The following EHBP1 variants were observed in gnomAD, a reference collection of about 807,000 sequenced individuals.
The protein encoded by EHBP1 is EH domain-binding protein 1.
EHBP1 carries 55 observed loss-of-function variants against 144.0 expected under a neutral mutation model. That is an observed-to-expected ratio of 0.38 (90% CI 0.31 to 0.48). EHBP1 has a LOEUF of 0.48. Among genes scored for constraint, EHBP1 ranks in the 20% least tolerant of loss-of-function variants. EHBP1 has a pLI of 0.98. For missense variants in EHBP1, 1,200 were observed against 1,364.2 expected (o/e 0.88, Z 1.90); for synonymous variants, 469 against 472.7 (o/e 0.99, Z 0.10).
At chr2:62,797,205 G>C (rs1180526091) in intron 5 of EHBP1, among the ~76,000 whole-genome samples, 1 of 152,058 alleles carries the variant, frequency 6.6e-6, no homozygotes, top group Non-Finnish European at 1.5e-5. Context: ...TCTTAGCTAT[G>C]CATGGCTTTT....
At chr2:62,743,067 T>C (rs1179695760) in intron 2 of EHBP1, among the ~76,000 whole-genome samples, 1 of 152,114 alleles carries the variant, frequency 6.6e-6, no homozygotes, top group Non-Finnish European at 1.5e-5. Flanking sequence ...TTTGAGGTAT[T>C]TCCTCTTGGT....
intron 10 of EHBP1, among the ~76,000 whole-genome samples, chr2:62,915,200 T>A (rs2054515062): frequency 6.6e-6 from 1 of 152,110 alleles, no homozygotes; most frequent in African/African-American, 2.4e-5. Context: ...TTTGCTATCA[T>A]AGTACCTAAT....
At chr2:62,806,437 C>A (rs1460381142) in intron 5 of EHBP1, among the ~76,000 whole-genome samples, 3 of 151,928 alleles carry the variant, frequency 2.0e-5, no homozygotes, top group Non-Finnish European at 4.4e-5. Flanking sequence ...GTGGCGCAAT[C>A]ACAGTTCACT....
At chr2:62,955,013 A>G (rs1241183307) in intron 13 of EHBP1, among the ~76,000 whole-genome samples, 3 of 152,032 alleles carry the variant, frequency 2.0e-5, no homozygotes, top group Non-Finnish European at 4.4e-5. Context: ...GGGGAAGACT[A>G]GTTTTACTTT....
At chr2:63,039,428 T>G (rs2061573177) in intron 21 of EHBP1, among the ~76,000 whole-genome samples, 1 of 152,208 alleles carries the variant, frequency 6.6e-6, no homozygotes, top group Non-Finnish European at 1.5e-5. Context: ...TATATGATTT[T>G]TTTTTAATTC....
At chr2:62,993,326 T>C (rs937600032) in intron 16 of EHBP1, among the ~76,000 whole-genome samples, 1 of 152,176 alleles carries the variant, frequency 6.6e-6, no homozygotes, top group Non-Finnish European at 1.5e-5. Context: ...ATCAAAGTTA[T>C]CAAGAGTTAA....
Position 62,979,196 on chromosome 2 carries a change from T to G in EHBP1, c.2469T>G (p.Asp823Glu). The G allele has an allele frequency of 6.2e-7, 1 of 1,612,722 alleles. No individual in the cohort carries two copies. The highest frequency in any genetic ancestry group is 8.5e-7 in the Non-Finnish European group (1 of 1,179,352). The part of the protein sequence containing the change: ...FCNRQLSDQQ[D>E]EERRRQLRER... The stretch of plus-strand genomic sequence containing the variant: ...TGTTCAATATATCTTAGCAGCAAGA[T>G]GAAGAGCGACGTCGGCAGCTGAGAG... The change falls in exon 15 of 23, where the codon GAT becomes GAG. Residue 823 changes from aspartate to glutamate, a missense_variant. Physicochemically the swap from Asp to Glu is conservative, Grantham distance 45. This residue lies in a region of EHBP1 where 543 missense variants were observed against 513.1 expected (regional missense o/e 1.06). Coordinates refer to ENST00000431489, the MANE Select transcript of EHBP1 (RefSeq NM_001142616.3).
At chr2:62,856,167 T>C (rs1396397674) in intron 7 of EHBP1, among the ~76,000 whole-genome samples, 3 of 152,188 alleles carry the variant, frequency 2.0e-5, no homozygotes, top group Non-Finnish European at 4.4e-5. Flanking sequence ...TTTAGCCCCA[T>C]TGAATGGCAG....
chr2:62,779,086 T>G (rs2152404227), intron 5 of EHBP1, among the ~76,000 whole-genome samples: 1 of 152,322 alleles, frequency 6.6e-6, no homozygotes, highest in Non-Finnish European at 1.5e-5. Context: ...AGTACCCCTC[T>G]TCCACCATGG....
chr2:62,770,355 G>C (rs1408467727), intron 4 of EHBP1, among the ~76,000 whole-genome samples: 1 of 151,922 alleles, frequency 6.6e-6, no homozygotes, highest in Non-Finnish European at 1.5e-5. Flanking sequence ...GTGGGCAAAG[G>C]ACACGAACAG....
chr2:62,856,086 C>T (rs2049032409), intron 7 of EHBP1, among the ~76,000 whole-genome samples: 1 of 152,222 alleles, frequency 6.6e-6, no homozygotes, highest in African/African-American at 2.4e-5. Flanking sequence ...TAAAGCTCCT[C>T]TTTATCTTGC....
chr2:63,023,209 T>C (rs929577293), intron 19 of EHBP1, among the ~76,000 whole-genome samples: 1 of 152,176 alleles, frequency 6.6e-6, no homozygotes, highest in Non-Finnish European at 1.5e-5. Context: ...TATTTTTAGA[T>C]GCTTAATATT....
intron 5 of EHBP1, among the ~76,000 whole-genome samples, chr2:62,801,738 T>C (rs1210224549): frequency 6.6e-6 from 1 of 152,226 alleles, no homozygotes; most frequent in Non-Finnish European, 1.5e-5. Flanking sequence ...ATAGAGTTTG[T>C]ATATTTAAAT....
chr2:62,894,919 CAGAA>C (rs897325547), intron 10 of EHBP1, among the ~76,000 whole-genome samples: 8 of 69,300 alleles, frequency 1.2e-4, no homozygotes, highest in African/African-American at 3.7e-4. Flanking sequence ...CTAGCAAAAA[CAGAA>C]AGAAAGAGAG....
At chr2:62,910,573 G>A (rs2054141365) in intron 10 of EHBP1, among the ~76,000 whole-genome samples, 1 of 151,712 alleles carries the variant, frequency 6.6e-6, no homozygotes, top group African/African-American at 2.4e-5. Flanking sequence ...TGTAATGGAT[G>A]TTTGGTAAAT....
intron 5 of EHBP1, among the ~76,000 whole-genome samples, chr2:62,780,716 A>T (rs1258312080): frequency 6.6e-6 from 1 of 152,198 alleles, no homozygotes. Context: ...AAGAAACTCT[A>T]TGTTAAAATA....
chr2:62,989,567 T>C (rs1574379551), intron 15 of EHBP1, among the ~76,000 whole-genome samples: 1 of 152,180 alleles, frequency 6.6e-6, no homozygotes, highest in Admixed American at 6.6e-5. Context: ...TCCTACTTAA[T>C]GTTTTCCAAA....
intron 5 of EHBP1, among the ~76,000 whole-genome samples, chr2:62,796,156 C>G (rs1035068501): frequency 6.6e-6 from 1 of 151,878 alleles, no homozygotes; most frequent in African/African-American, 2.4e-5. Flanking sequence ...AATTTTAGGA[C>G]TTTACTTTTA....
At chr2:62,862,617 T>G (rs1281909535) in intron 8 of EHBP1, among the ~76,000 whole-genome samples, 6 of 151,570 alleles carry the variant, frequency 4.0e-5, no homozygotes, top group Non-Finnish European at 7.4e-5. Context: ...AAACTCCATC[T>G]CAAAAAAATA....
Sources: allele counts gnomAD v4.1 joint callset (sites outside exome capture counted in the v4.1 genomes callset), GRCh38; gene constraint gnomAD v4.1.1; regional missense constraint gnomAD v4.1.1; transcripts MANE v1.5; gene names NCBI Gene and HGNC (gene_info 2026-07-23, HGNC 2026-07-21).